Variants in USO1 observed in about 807,000 individuals in gnomAD.
The protein encoded by USO1 is USO1 vesicle transport factor, also known as general vesicular transport factor p115.
In USO1, 57 loss-of-function variants were observed where a neutral mutation model predicts 124.5. The ratio of observed to expected loss-of-function variants is 0.46; its 90% CI spans 0.37 to 0.57. USO1 has a LOEUF of 0.57. Among genes scored for constraint, USO1 ranks in the 20% least tolerant of loss-of-function variants. The pLI, the probability that USO1 is intolerant of heterozygous loss-of-function variation, is 0.00. For synonymous variants in USO1, 369 were observed against 362.8 expected, an observed-to-expected ratio of 1.02 and a Z score of -0.19; for missense variants, 900 against 1,040.6, an observed-to-expected ratio of 0.86 and a Z score of 1.86.
chr4:75,796,611 T>A (rs1722688453), intron 13 of USO1, among the ~76,000 whole-genome samples: 1 of 152,146 alleles, frequency 6.6e-6, no homozygotes, highest in Admixed American at 6.6e-5. Flanking sequence ...GTGCTGGGAT[T>A]ACAGGTGTGA....
At chr4:75,792,484 C>T (rs533784412) in intron 12 of USO1, among the ~76,000 whole-genome samples, 2 of 152,242 alleles carry the variant, frequency 1.3e-5, no homozygotes, top group East Asian at 3.9e-4. Context: ...TTGCAGTGAA[C>T]TGAGATCACG....
intron 4 of USO1, among the ~76,000 whole-genome samples, chr4:75,760,039 C>G (rs1482440751): frequency 6.6e-6 from 1 of 151,954 alleles, no homozygotes; most frequent in African/African-American, 2.4e-5. Flanking sequence ...TGGTGAAACC[C>G]CATCTCTACT....
Position 75,749,871 on chromosome 4 carries a change from C to A in USO1, c.67-2502C>A, listed in dbSNP as rs1016603961. Reference sequence around the variant, plus strand: ...GGTTCATGCCATTCTCCTGCCTCAGCCTCCTGAGTAGCTGGGACTACAGGC... The same window carrying A: ...GGTTCATGCCATTCTCCTGCCTCAGACTCCTGAGTAGCTGGGACTACAGGC... On this transcript the variant is annotated intron_variant, in intron 1 of 23. Transcript: ENST00000514213. Among the ~76,000 whole-genome samples, 9 of 151,828 alleles carry A rather than the reference C, an allele frequency of 5.9e-5. No homozygotes were observed. The East Asian group carries it at 1.8e-3, about 30-fold the overall frequency.
intron 4 of USO1, among the ~76,000 whole-genome samples, chr4:75,759,250 T>TTTTTTTTTTTTTTTC: frequency 7.2e-6 from 1 of 139,282 alleles, no homozygotes; most frequent in African/African-American, 2.7e-5. Flanking sequence ...AAGGACCTTT[T>TTTTTTTTTTTTTTTC]TTTTTTTTTT....
At chr4:75,770,717 T>C in intron 5 of USO1, 105 bp from the exon 6 acceptor site, 2 of 1,527,946 alleles carry the variant, frequency 1.3e-6, no homozygotes, top group South Asian at 2.6e-5. Flanking sequence ...ATGCTAAACT[T>C]CCATGTTTTA....
intron 13 of USO1, among the ~76,000 whole-genome samples, chr4:75,797,988 A>G (rs1322835780): frequency 6.6e-6 from 1 of 152,202 alleles, no homozygotes; most frequent in Non-Finnish European, 1.5e-5. Context: ...ATCTAAGAAC[A>G]TGGTGGCTTT....
chr4:75,810,352 A>T, intron 21 of USO1, 80 bp from the exon 22 acceptor site: 4 of 1,431,822 alleles, frequency 2.8e-6, no homozygotes, highest in Non-Finnish European at 2.8e-6. Context: ...CAAAATGGCA[A>T]AAAAATTAAA....
chr4:75,767,545 C>G, intron 4 of USO1: 1 of 378,980 alleles, frequency 2.6e-6, no homozygotes, highest in Non-Finnish European at 5.1e-6. Flanking sequence ...GAGATGGAGA[C>G]CATCCTGGCT....
At chr4:75,805,032 G>A in intron 18 of USO1, 108 bp from the exon 19 acceptor site, 1 of 1,365,750 alleles carries the variant, frequency 7.3e-7, no homozygotes, top group South Asian at 1.7e-5. Flanking sequence ...TTGCAAAAGT[G>A]CTGCCAAAGT....
At chr4:75,800,006 C>T (rs985657918) in intron 14 of USO1, among the ~76,000 whole-genome samples, 2 of 151,092 alleles carry the variant, frequency 1.3e-5, no homozygotes, top group East Asian at 2.0e-4. Flanking sequence ...TGTAGTGGCG[C>T]GATCTCGGCT....
intron 1 of USO1, among the ~76,000 whole-genome samples, chr4:75,748,131 T>C (rs1031092581): frequency 2.0e-5 from 3 of 151,846 alleles, no homozygotes; most frequent in African/African-American, 7.3e-5. Context: ...CTCGAACTCC[T>C]GACCTCAGGT....
intron 3 of USO1, among the ~76,000 whole-genome samples, chr4:75,752,836 T>C (rs1185535105): frequency 3.9e-5 from 6 of 152,136 alleles, no homozygotes; most frequent in African/African-American, 1.4e-4. Flanking sequence ...CTAAAAGTTG[T>C]TGACATACTA....
chr4:75,801,456 G>A (rs141413895), intron 17 of USO1, among the ~76,000 whole-genome samples: 16 of 152,292 alleles, frequency 1.1e-4, no homozygotes, highest in Non-Finnish European at 1.8e-4. Context: ...TTCTTTCCAG[G>A]ATACCAGTGA....
In USO1 at chr4:75,810,447, G is replaced by T. The variant is rs764667399; in HGVS notation, c.2491G>T (p.Val831Leu). 1 of 1,611,176 alleles carries T rather than the reference G, an allele frequency of 6.2e-7. No individual in the cohort carries two copies. The highest frequency in any genetic ancestry group is 1.7e-5 in the Admixed American group (1 of 59,610). The change falls in exon 22 of 24, where the codon GTA becomes TTA. Residue 831 changes from valine to leucine, a missense_variant. By Grantham distance (32) the Val-to-Leu change is conservative (BLOSUM62 1). Coordinates refer to ENST00000514213, the MANE Select transcript of USO1 (RefSeq NM_003715.4). Reference sequence around the variant, plus strand: ...CTAATTTCAGGCAAAATCAGTTGAGGTACAAGGAGAGACCGAGACTATAAT... The same window carrying T: ...CTAATTTCAGGCAAAATCAGTTGAGTTACAAGGAGAGACCGAGACTATAAT... ...KTEAFAKSVE[V>L]QGETETIIAT...
In USO1 at chr4:75,724,745, G is replaced by T; in HGVS notation, c.-75G>T. ...TGTAGAGTGCGGGATTGGGGCCCAGGCCCTGCGGAGGGCGGGGGAAGTTGT... is the reference window on the plus strand; with the variant it reads ...TGTAGAGTGCGGGATTGGGGCCCAGTCCCTGCGGAGGGCGGGGGAAGTTGT... On this transcript the variant is annotated 5_prime_UTR_variant, in exon 1 of 24. Coordinates refer to ENST00000514213, the MANE Select transcript of USO1 (RefSeq NM_003715.4). 2 of 1,512,198 alleles carry T rather than the reference G, an allele frequency of 1.3e-6. No individual in the cohort carries two copies. The highest frequency in any genetic ancestry group is 1.2e-5 in the South Asian group (1 of 85,642). 93.7% of individuals were successfully genotyped at this position (1,512,198 alleles called of 1,614,324 possible).
intron 23 of USO1, 40 bp from the exon 24 acceptor site, chr4:75,813,165 GA>G: frequency 6.4e-7 from 1 of 1,572,338 alleles, no homozygotes; most frequent in Non-Finnish European, 8.6e-7. Flanking sequence ...AATGTGACAT[GA>G]ACAGATTTTC....
rs1477552456 is a variant in USO1, at chr4:75,767,650, G to A, written c.296-2789G>A. The A allele has an allele frequency of 3.5e-5, 10 of 283,486 alleles. No homozygotes were observed. The East Asian group carries it at 3.7e-4, about 10-fold the overall frequency. The allele number at this position is 283,486 out of a possible 1,614,324, so 17.6% of individuals were successfully genotyped here. On this transcript the variant is annotated intron_variant, in intron 4 of 23. Transcript: ENST00000514213. ...TCCCAGCTACTCGGGAGGCTGAGGCGAGCGGATCACGAGGTCAGGAGATCA... is the reference window on the plus strand; with the variant it reads ...TCCCAGCTACTCGGGAGGCTGAGGCAAGCGGATCACGAGGTCAGGAGATCA...
chr4:75,768,212 C>G (rs991869508), intron 4 of USO1, among the ~76,000 whole-genome samples: 1 of 152,074 alleles, frequency 6.6e-6, no homozygotes, highest in Non-Finnish European at 1.5e-5. Context: ...GACAAGTTCT[C>G]ACTATGTTGC....
At chr4:75,769,835 A>G (rs1721871267) in intron 4 of USO1, among the ~76,000 whole-genome samples, 1 of 152,040 alleles carries the variant, frequency 6.6e-6, no homozygotes, top group Non-Finnish European at 1.5e-5. Flanking sequence ...CCTTTAAACA[A>G]TAAGTGAGAA....
Sources: allele counts gnomAD v4.1 joint callset (sites outside exome capture counted in the v4.1 genomes callset), GRCh38; gene constraint gnomAD v4.1.1; transcripts MANE v1.5; gene names NCBI Gene and HGNC (gene_info 2026-07-23, HGNC 2026-07-21).